METTL21A: variants seen among roughly 807,000 people sequenced by gnomAD.
METTL21A encodes methyltransferase 21A, HSPA lysine.
A neutral mutation model predicts 20.9 loss-of-function variants in METTL21A; 22 were observed. The observed-to-expected ratio is 1.05, with a 90% confidence interval of 0.75 to 1.50. The LOEUF (loss-of-function observed/expected upper bound fraction) is 1.50. METTL21A is among the 40% of genes most tolerant of loss of function. The pLI is 0.00. For synonymous variants in METTL21A, 93 were observed against 102.0 expected (o/e 0.91, Z 0.53); for missense variants, 271 against 266.8 (o/e 1.02, Z -0.11).
At chr2:207,584,361 G>T (rs1391204577) in intron 3 of METTL21A, among the ~76,000 whole-genome samples, 2 of 151,806 alleles carry the variant, frequency 1.3e-5, no homozygotes, top group East Asian at 1.9e-4. Context: ...TCTAGAACTG[G>T]TATAATGGAT....
At chr2:207,597,226 T>C in intron 3 of METTL21A, 1 of 689,536 alleles carries the variant, frequency 1.5e-6, no homozygotes, top group Non-Finnish European at 2.2e-6. Context: ...CATTAAACTG[T>C]GAATGTTCCA....
At chr2:207,591,479 T>C (rs1195713092) in intron 3 of METTL21A, among the ~76,000 whole-genome samples, 1 of 152,114 alleles carries the variant, frequency 6.6e-6, no homozygotes, top group Admixed American at 6.6e-5. Flanking sequence ...CAGGCTGGAG[T>C]GCAATGGCAG....
intron 3 of METTL21A, among the ~76,000 whole-genome samples, chr2:207,614,024 A>G (rs1386589219): frequency 6.6e-6 from 1 of 152,218 alleles, no homozygotes; most frequent in Non-Finnish European, 1.5e-5. Flanking sequence ...AATTCTGCCA[A>G]CAGAGCTGGC....
chr2:207,625,907 C>T (rs765190366), upstream of METTL21A: 1 of 152,402 alleles, frequency 6.6e-6, no homozygotes, highest in African/African-American at 2.4e-5. Flanking sequence ...AGTCACAAAA[C>T]CCTTTTCAAC....
At chr2:207,625,908 C>T (rs2091038674), upstream of METTL21A, 1 of 152,298 alleles carries the variant, frequency 6.6e-6, no homozygotes, top group African/African-American at 2.4e-5. Context: ...GTCACAAAAC[C>T]CTTTTCAACT....
intron 3 of METTL21A, among the ~76,000 whole-genome samples, chr2:207,614,078 G>A (rs1296754834): frequency 2.0e-5 from 3 of 152,164 alleles, no homozygotes; most frequent in South Asian, 4.2e-4. Context: ...TCAGTTGGCC[G>A]CAGGCTAAAA....
chr2:207,588,642 AT>A (rs1375276134), intron 3 of METTL21A, among the ~76,000 whole-genome samples: 1 of 151,782 alleles, frequency 6.6e-6, no homozygotes, highest in Non-Finnish European at 1.5e-5. Context: ...TTAGTTTTTG[AT>A]TCCATGAACA....
chr2:207,581,972 T>C (rs2083020534), exon 4 of METTL21A: 1 of 701,766 alleles, frequency 1.4e-6, no homozygotes. Context: ...GATAATAGGT[T>C]TTGGGGAGGA....
downstream of METTL21A, among the ~76,000 whole-genome samples, chr2:207,604,886 A>G (rs2087826796): frequency 6.6e-6 from 1 of 152,184 alleles, no homozygotes; most frequent in Non-Finnish European, 1.5e-5. Flanking sequence ...GATCCATTGT[A>G]ACATGTTATC....
intron 3 of METTL21A, chr2:207,620,803 AG>A: frequency 1.0e-6 from 1 of 983,020 alleles, no homozygotes; most frequent in African/African-American, 1.7e-5. Flanking sequence ...AAGCAGAAAA[AG>A]AAATAGTGAA....
intron 2 of METTL21A, among the ~76,000 whole-genome samples, chr2:207,622,192 T>A (rs1301056682): frequency 1.5e-5 from 2 of 135,276 alleles, no homozygotes; most frequent in Non-Finnish European, 3.1e-5. Context: ...TGAGATGGAG[T>A]CTCAGTCCAT....
chr2:207,590,117 G>A (rs969434841), intron 3 of METTL21A, among the ~76,000 whole-genome samples: 12 of 121,982 alleles, frequency 9.8e-5, no homozygotes, highest in African/African-American at 3.4e-4. Flanking sequence ...TAATAGATAC[G>A]GGATCATTCA....
intron 3 of METTL21A, among the ~76,000 whole-genome samples, chr2:207,595,181 A>G (rs2106636776): frequency 6.6e-6 from 1 of 151,608 alleles, no homozygotes; most frequent in African/African-American, 2.4e-5. Flanking sequence ...TTTTTAATAG[A>G]GATGGAGTTT....
chr2:207,620,847 A>G (rs913893309), intron 3 of METTL21A: 2 of 612,818 alleles, frequency 3.3e-6, no homozygotes, highest in Non-Finnish European at 5.5e-6. Flanking sequence ...CAGGCAGGAC[A>G]AAAGAGGGGC....
chr2:207,620,866 G>T (rs1231059981), intron 3 of METTL21A: 4 of 550,478 alleles, frequency 7.3e-6, no homozygotes, highest in Non-Finnish European at 1.3e-5. Context: ...GCTTTAGCTG[G>T]TCCTCAAATA....
At chr2:207,613,295 T>A (rs1415109732) in exon 4 of METTL21A, 2 of 1,614,010 alleles carry the variant, frequency 1.2e-6, no homozygotes. Context: ...TCAGGTCAAA[T>A]TCTCCAGGAG....
chr2:207,602,086 T>C (rs569948783), intron 3 of METTL21A: 90 of 205,608 alleles, frequency 4.4e-4, no homozygotes, highest in African/African-American at 1.8e-3. Context: ...CATCTGCTTA[T>C]GATAAGTTCT....
exon 1 of METTL21A, chr2:207,625,275 G>T (rs1384898614): frequency 6.6e-6 from 1 of 152,118 alleles, no homozygotes; most frequent in Admixed American, 6.5e-5. Flanking sequence ...GGCCCGGGAG[G>T]CGGTCCCGCG....
At chr2:207,587,092 T>C (rs2083986310) in intron 3 of METTL21A, among the ~76,000 whole-genome samples, 1 of 150,298 alleles carries the variant, frequency 6.7e-6, no homozygotes, top group Non-Finnish European at 1.5e-5. Flanking sequence ...GGTGTGGAGG[T>C]TTCTCAAAAA....
Sources: allele counts gnomAD v4.1 joint callset (sites outside exome capture counted in the v4.1 genomes callset), GRCh38; gene constraint gnomAD v4.1.1; transcripts MANE v1.5; gene names NCBI Gene and HGNC (gene_info 2026-07-23, HGNC 2026-07-21).